Variants in CIT observed in about 807,000 individuals in gnomAD.
CIT encodes the protein citron Rho-interacting kinase.
A neutral mutation model predicts 272.7 loss-of-function variants in CIT; 79 were observed. The observed-to-expected ratio is 0.29, with a 90% CI of 0.24 to 0.35. The LOEUF is 0.35. CIT is among the 10% of genes least tolerant of loss of function. The pLI is 1.00. For missense variants in CIT, 1,909 were observed against 2,618.3 expected (o/e 0.73, Z 5.91); for synonymous variants, 948 against 995.6 (o/e 0.95, Z 0.90).
intron 8 of CIT, among the ~76,000 whole-genome samples, chr12:119,824,108 GTATATATA>G (rs59234933): frequency 0.051 from 6,382 of 125,412 alleles, 231 homozygotes; most frequent in East Asian, 0.086. Context: ...TAGTTTTACT[GTATATATA>G]TATATATATA....
At chr12:119,766,059 C>G (rs1484501050) in intron 19 of CIT, among the ~76,000 whole-genome samples, 1 of 152,016 alleles carries the variant, frequency 6.6e-6, no homozygotes, top group Non-Finnish European at 1.5e-5. Context: ...ACAACACAAA[C>G]CCTGTCAGCG....
Position 119,734,302 on chromosome 12 carries a change from A to G in CIT, c.3212T>C (p.Leu1071Ser). Residue 1071 changes from leucine (L) to serine (S), a missense_variant, in exon 26 of 48, where the codon TTG (leucine) becomes TCG (serine). By Grantham distance (145) the Leu-to-Ser change is moderately radical. Transcript: ENST00000392521. Reference protein sequence around the residue: ...CTMLEEQVMDLEALNDELLEK... With the variant: ...CTMLEEQVMDSEALNDELLEK... ...TAGCAGCTCATCGTTTAGGGCCTCC[A>G]AATCCATGACCTGTTCCTCCAGCAT... is the stretch of plus-strand genomic sequence containing the variant. 1 of 1,613,764 alleles carries G rather than the reference A, an allele frequency of 6.2e-7. No homozygotes were observed. Among genetic ancestry groups the G allele is most frequent in the Non-Finnish European group, 8.5e-7 (1 of 1,179,956 alleles).
chr12:119,823,042 A>G (rs1350309859), intron 8 of CIT, 69 bp from the exon 9 acceptor site: 2 of 1,471,184 alleles, frequency 1.4e-6, no homozygotes, highest in Admixed American at 2.3e-5. Context: ...CAAAGTGAAG[A>G]AAGTATTTCT....
chr12:119,725,462 G>A (rs938531021), intron 28 of CIT, among the ~76,000 whole-genome samples: 7 of 152,046 alleles, frequency 4.6e-5, no homozygotes, highest in South Asian at 2.1e-4. Flanking sequence ...AAAAGTCTCC[G>A]CACCTACGAA....
At chr12:119,747,884 G>A (rs1034100194) in intron 23 of CIT, among the ~76,000 whole-genome samples, 26 of 151,992 alleles carry the variant, frequency 1.7e-4, no homozygotes, top group African/African-American at 5.3e-4. Flanking sequence ...AGTCTGACAG[G>A]CAGGCATAAT....
At chr12:119,752,318 A>G in intron 22 of CIT, 71 bp from the exon 23 acceptor site, 1 of 1,378,180 alleles carries the variant, frequency 7.3e-7, no homozygotes, top group Non-Finnish European at 9.8e-7. Context: ...AAGTGAAGAC[A>G]TGACCTGCTA....
chr12:119,835,936 A>G (rs1968967009), intron 5 of CIT, among the ~76,000 whole-genome samples: 1 of 152,140 alleles, frequency 6.6e-6, no homozygotes, highest in Admixed American at 6.6e-5. Context: ...ATTAAGCCAG[A>G]CACTGGACAA....
chr12:119,846,460 G>A (rs1224101084), intron 5 of CIT, among the ~76,000 whole-genome samples: 2 of 152,160 alleles, frequency 1.3e-5, no homozygotes, highest in Non-Finnish European at 2.9e-5. Flanking sequence ...GCAGTGCAAG[G>A]TAGACCAGAA....
At chr12:119,795,947 A>G (rs1965698006) in intron 10 of CIT, among the ~76,000 whole-genome samples, 1 of 152,264 alleles carries the variant, frequency 6.6e-6, no homozygotes, top group African/African-American at 2.4e-5. Flanking sequence ...GAATTGGTAT[A>G]ATCCCTGGCC....
chr12:119,703,669 A>G (rs1404720586), intron 41 of CIT, among the ~76,000 whole-genome samples: 2 of 151,388 alleles, frequency 1.3e-5, no homozygotes, highest in African/African-American at 4.9e-5. Flanking sequence ...CAAGTGATCC[A>G]CCCTCCTCGG....
Position 119,702,381 on chromosome 12 carries a change from G to A in CIT, c.5305-423C>T, listed in dbSNP as rs1412048464. Among the ~76,000 whole-genome samples the A allele has an allele frequency of 2.0e-5, 3 of 152,106 alleles. No homozygotes were observed. In the East Asian group the frequency reaches 5.8e-4, roughly 29 times the overall value. On this transcript the variant is annotated intron_variant, in intron 41 of 47. Transcript: ENST00000392521. The stretch of plus-strand genomic sequence containing the variant: ...AAGGTCAAACTGCAGCCAAAAAAAG[G>A]TGGGGTCAGAAACACCATTCCAGGC...
At position 119,718,602 on chromosome 12, in the gene CIT, C is replaced by T. The variant is rs544131884; in HGVS notation, c.4003+97G>A. On this transcript the variant is annotated intron_variant, in intron 31 of 47. Coordinates refer to ENST00000392521, the MANE Select transcript of CIT (RefSeq NM_001206999.2). This position sits in a 1 kb window ranked among gnomAD's most constrained non-coding sequence, Gnocchi z 4.8. ...GGTCTGAAAGCGTATGGGCCATAAA[C>T]GAAGACACTGAGCTAGTTAGTCTTG... 2.6e-6 allele frequency: 4 copies of T among 1,527,094 alleles called. No homozygotes were observed. The highest frequency in any genetic ancestry group is 1.8e-5 in the Admixed American group (1 of 55,798). The allele number at this position is 1,527,094 out of a possible 1,614,324, so 94.6% of individuals were successfully genotyped here. A position where few individuals can be genotyped will look rare whatever the true frequency, so the allele number is the denominator to read the frequency against.
intron 17 of CIT, among the ~76,000 whole-genome samples, chr12:119,771,621 G>A (rs1179889446): frequency 6.6e-6 from 1 of 152,294 alleles, no homozygotes; most frequent in South Asian, 2.1e-4. Context: ...TTGGGATGGG[G>A]CAGGGAATTC....
chr12:119,756,743 C>T (rs148108191), intron 22 of CIT, among the ~76,000 whole-genome samples: 54 of 151,996 alleles, frequency 3.6e-4, no homozygotes, highest in South Asian at 3.5e-3. Context: ...TCCAGCCCCA[C>T]GTGTTTTCCT....
intron 23 of CIT, 61 bp downstream of exon 23, chr12:119,751,989 G>A: frequency 4.8e-6 from 7 of 1,456,220 alleles, no homozygotes; most frequent in Non-Finnish European, 6.6e-6. Flanking sequence ...CTCAGTGCCA[G>A]TTCCACACTC....
chr12:119,795,732 A>G (rs1384463542), intron 10 of CIT, among the ~76,000 whole-genome samples: 2 of 152,242 alleles, frequency 1.3e-5, no homozygotes, highest in African/African-American at 4.8e-5. Flanking sequence ...TTCTACCTTC[A>G]GAACCTCAGG....
At chr12:119,766,310 G>T (rs1962450911) in intron 19 of CIT, among the ~76,000 whole-genome samples, 1 of 152,198 alleles carries the variant, frequency 6.6e-6, no homozygotes, top group Non-Finnish European at 1.5e-5. Flanking sequence ...AAAATGGAAT[G>T]GGATCCAGTC....
At chr12:119,832,224 A>G (rs1011421325) in intron 7 of CIT, among the ~76,000 whole-genome samples, 11 of 152,334 alleles carry the variant, frequency 7.2e-5, no homozygotes, top group African/African-American at 2.4e-4. Context: ...TTCCTAAAGT[A>G]GTCTCACTCT....
intron 26 of CIT, among the ~76,000 whole-genome samples, chr12:119,733,409 C>G (rs1045648160): frequency 1.3e-5 from 2 of 149,686 alleles, no homozygotes; most frequent in Non-Finnish European, 3.0e-5. Flanking sequence ...TGGTGCACAC[C>G]TGTATTCCCA....
Sources: allele counts gnomAD v4.1 joint callset (sites outside exome capture counted in the v4.1 genomes callset), GRCh38; gene constraint gnomAD v4.1.1; non-coding constraint Gnocchi (gnomAD v3.1); transcripts MANE v1.5; gene names NCBI Gene and HGNC (gene_info 2026-07-23, HGNC 2026-07-21).